Variants in KCNMA1 observed in about 807,000 individuals in gnomAD.
KCNMA1 encodes Calcium-activated potassium channel subunit alpha-1.
A neutral mutation model predicts 140.0 loss-of-function variants in KCNMA1; 29 were observed. The observed-to-expected ratio is 0.21, with a 90% CI of 0.15 to 0.28. KCNMA1 has a LOEUF of 0.28. Among genes scored for constraint, KCNMA1 ranks in the 10% least tolerant of loss-of-function variants. KCNMA1 has a pLI of 1.00. For missense variants in KCNMA1, 880 were observed against 1,602.2 expected, an observed-to-expected ratio of 0.55 and a Z score of 7.70; for synonymous variants, 612 against 611.9, an observed-to-expected ratio of 1.00 and a Z score of 0.00.
At chr10:77,564,780 C>T (rs1180115012) in intron 1 of KCNMA1, among the ~76,000 whole-genome samples, 1 of 152,062 alleles carries the variant, frequency 6.6e-6, no homozygotes, top group Non-Finnish European at 1.5e-5. Context: ...AGGAGAGACT[C>T]CCAGATAGCA....
chr10:77,517,541 G>A (rs2051012889), intron 1 of KCNMA1, among the ~76,000 whole-genome samples: 1 of 152,200 alleles, frequency 6.6e-6, no homozygotes, highest in South Asian at 2.1e-4. Flanking sequence ...GCTAAGACCT[G>A]CTGGGTGGTT....
intron 2 of KCNMA1, among the ~76,000 whole-genome samples, chr10:77,399,606 A>T (rs2096193973): frequency 6.6e-6 from 1 of 152,180 alleles, no homozygotes; most frequent in African/African-American, 2.4e-5. Context: ...AAGACAGGCT[A>T]TTCTGAGATC....
chr10:76,995,412 A>C (rs2083953624), intron 19 of KCNMA1: 5 of 378,378 alleles, frequency 1.3e-5, no homozygotes, highest in Non-Finnish European at 2.8e-5. Flanking sequence ...CAGGTGGAGG[A>C]AAGAGGCAGA....
intron 14 of KCNMA1, among the ~76,000 whole-genome samples, chr10:77,040,446 A>G (rs1203877359): frequency 6.6e-6 from 1 of 152,226 alleles, no homozygotes. Flanking sequence ...ATGGAATACT[A>G]AGAAGCAATT....
intron 14 of KCNMA1, among the ~76,000 whole-genome samples, chr10:77,052,350 C>T (rs1419926150): frequency 6.6e-6 from 1 of 152,064 alleles, no homozygotes; most frequent in Non-Finnish European, 1.5e-5. Context: ...ATGATGGTCT[C>T]CCAAAATAGA....
intron 1 of KCNMA1, among the ~76,000 whole-genome samples, chr10:77,577,207 C>T (rs929464302): frequency 1.3e-5 from 2 of 151,732 alleles, no homozygotes; most frequent in African/African-American, 2.4e-5. Context: ...CCACCATGCC[C>T]GGCTAATTTT....
chr10:77,371,920 C>A (rs534696310), intron 2 of KCNMA1, among the ~76,000 whole-genome samples: 2 of 152,326 alleles, frequency 1.3e-5, no homozygotes, highest in East Asian at 3.9e-4. Context: ...TGCTGACCAC[C>A]CAAGCCACAA....
chr10:77,363,066 G>A (rs1356473838), intron 2 of KCNMA1, among the ~76,000 whole-genome samples: 1 of 152,150 alleles, frequency 6.6e-6, no homozygotes, highest in African/African-American at 2.4e-5. Context: ...TCCTCGTGCT[G>A]TCAAGGTGAC....
chr10:76,956,414 C>A (rs1219711508), intron 20 of KCNMA1, among the ~76,000 whole-genome samples: 1 of 152,140 alleles, frequency 6.6e-6, no homozygotes, highest in Non-Finnish European at 1.5e-5. Context: ...CATCTCTCAT[C>A]CTGGCCTGGA....
At chr10:77,609,554 G>A (rs1368785935) in intron 1 of KCNMA1, among the ~76,000 whole-genome samples, 1 of 152,104 alleles carries the variant, frequency 6.6e-6, no homozygotes, top group Admixed American at 6.5e-5. Flanking sequence ...ACAATGTATT[G>A]TATTCTTGAA....
chr10:77,198,407 T>C (rs2041332645), intron 3 of KCNMA1, among the ~76,000 whole-genome samples: 1 of 151,940 alleles, frequency 6.6e-6, no homozygotes, highest in Non-Finnish European at 1.5e-5. Context: ...TTAACCACGC[T>C]CTCAAGTGAA....
intron 1 of KCNMA1, among the ~76,000 whole-genome samples, chr10:77,509,186 T>C (rs2047438310): frequency 6.6e-6 from 1 of 152,100 alleles, no homozygotes; most frequent in African/African-American, 2.4e-5. Flanking sequence ...AGTGATGCAA[T>C]CTCGGCTCAC....
intron 1 of KCNMA1, among the ~76,000 whole-genome samples, chr10:77,459,305 A>G (rs544274986): frequency 1.1e-4 from 17 of 152,248 alleles, no homozygotes; most frequent in Non-Finnish European, 2.4e-4. Flanking sequence ...ATGTGGCCCC[A>G]GAATCCTCTG....
chr10:77,519,595 G>A (rs1309105712), intron 1 of KCNMA1, among the ~76,000 whole-genome samples: 4 of 152,138 alleles, frequency 2.6e-5, no homozygotes, highest in African/African-American at 9.7e-5. Flanking sequence ...TCACGGCCAA[G>A]GTCACTCAGC....
intron 2 of KCNMA1, among the ~76,000 whole-genome samples, chr10:77,403,203 T>C (rs114536464): frequency 0.025 from 3,785 of 152,042 alleles, 153 homozygotes; most frequent in African/African-American, 0.086. Context: ...CAGAGAGATG[T>C]TGGAAACATA....
intron 1 of KCNMA1, among the ~76,000 whole-genome samples, chr10:77,608,633 A>T (rs2085478584): frequency 6.6e-6 from 1 of 152,104 alleles, no homozygotes; most frequent in Non-Finnish European, 1.5e-5. Context: ...CAATCTAGTC[A>T]CTGATGATGG....
intron 1 of KCNMA1, among the ~76,000 whole-genome samples, chr10:77,614,056 A>G (rs1027578632): frequency 6.6e-6 from 1 of 152,188 alleles, no homozygotes; most frequent in Non-Finnish European, 1.5e-5. Flanking sequence ...ACCACTGCCC[A>G]GGCCTGGGTG....
At chr10:77,597,363 G>T (rs1331843439) in intron 1 of KCNMA1, among the ~76,000 whole-genome samples, 1 of 152,054 alleles carries the variant, frequency 6.6e-6, no homozygotes, top group African/African-American at 2.4e-5. Flanking sequence ...AGAAGAGAAA[G>T]AATTTCAGAT....
At chr10:77,179,938 G>T (rs2098789749) in intron 5 of KCNMA1, among the ~76,000 whole-genome samples, 1 of 152,148 alleles carries the variant, frequency 6.6e-6, no homozygotes. Flanking sequence ...AGGATGATCT[G>T]CACAATGAAT....
Sources: gnomAD v4.1 joint callset for allele counts (sites outside exome capture counted in the v4.1 genomes callset) on GRCh38, gnomAD v4.1.1 for gene constraint, MANE v1.5 for transcripts, NCBI Gene and HGNC (gene_info 2026-07-23, HGNC 2026-07-21) for gene names.